FAM117B: variants seen among roughly 807,000 people sequenced by gnomAD.
FAM117B encodes the protein family with sequence similarity 117 member B.
Under a neutral mutation model 52.8 loss-of-function variants are expected in FAM117B, and 22 were observed. The ratio of observed to expected loss-of-function variants is 0.42; its 90% CI spans 0.30 to 0.59. The LOEUF is 0.59. Among genes scored for constraint, FAM117B ranks in the 20% least tolerant of loss-of-function variants. FAM117B has a pLI of 0.22. For missense variants in FAM117B, 678 were observed against 802.6 expected (o/e 0.84, Z 1.88); for synonymous variants, 309 against 324.1 (o/e 0.95, Z 0.50).
chr2:202,676,375 G>GTTTTTTTTTTTTTTTTTTTTT (rs71030983), intron 1 of FAM117B, among the ~76,000 whole-genome samples: 2 of 130,936 alleles, frequency 1.5e-5, no homozygotes, highest in Admixed American at 7.6e-5. Context: ...AATATTCCTT[G>GTTTTTTTTTTTTTTTTTTTTT]TTTTTTTTTT....
At chr2:202,661,109 CA>C (rs1351439359) in intron 1 of FAM117B, among the ~76,000 whole-genome samples, 2 of 152,218 alleles carry the variant, frequency 1.3e-5, no homozygotes, top group African/African-American at 2.4e-5. Context: ...GGGAAAAACT[CA>C]GTGAATCACT....
intron 1 of FAM117B, among the ~76,000 whole-genome samples, chr2:202,670,569 GC>G (rs1343461360): frequency 6.6e-6 from 1 of 151,784 alleles, no homozygotes; most frequent in Non-Finnish European, 1.5e-5. Context: ...ATAAGCCACC[GC>G]CCCCTGGCCA....
chr2:202,735,961 G>C (rs998037728), intron 4 of FAM117B, among the ~76,000 whole-genome samples: 1 of 152,088 alleles, frequency 6.6e-6, no homozygotes, highest in Non-Finnish European at 1.5e-5. Context: ...AAGTGTGTGG[G>C]TGTTTTGTGG....
intron 1 of FAM117B, among the ~76,000 whole-genome samples, chr2:202,636,421 G>C (rs1689687497): frequency 1.3e-5 from 2 of 152,174 alleles, no homozygotes. Context: ...GTGTATTTCT[G>C]ATTTTGTGTA....
chr2:202,670,297 T>G (rs1241482927), intron 1 of FAM117B, among the ~76,000 whole-genome samples: 1 of 146,766 alleles, frequency 6.8e-6, no homozygotes. Flanking sequence ...TCTTTTTTTT[T>G]TCTTTTTTTT....
chr2:202,751,577 G>C (rs944736857), intron 4 of FAM117B, among the ~76,000 whole-genome samples: 9 of 152,068 alleles, frequency 5.9e-5, no homozygotes, highest in Non-Finnish European at 8.8e-5. Flanking sequence ...AGACCAGCCA[G>C]GCCAACGTTG....
chr2:202,760,849 C>A (rs1450155755), intron 7 of FAM117B, among the ~76,000 whole-genome samples: 1 of 152,198 alleles, frequency 6.6e-6, no homozygotes, highest in East Asian at 1.9e-4. Flanking sequence ...TGGGCTCATT[C>A]TATTAGGTTA....
chr2:202,749,216 A>G (rs1691683413), intron 4 of FAM117B, among the ~76,000 whole-genome samples: 1 of 151,986 alleles, frequency 6.6e-6, no homozygotes, highest in Admixed American at 6.6e-5. Context: ...ATAGCTCCTC[A>G]CCCCAGGAAT....
Position 202,734,077 on chromosome 2 carries a change from G to A in FAM117B, c.960+7714G>A, listed in dbSNP as rs556269000. ...GCGGCTCCAGCCAGTCCCTCTGTTCGGGTTCCCTGACTTCCCACAGCAGAC... is the reference window on the plus strand; with the variant it reads ...GCGGCTCCAGCCAGTCCCTCTGTTCAGGTTCCCTGACTTCCCACAGCAGAC... On this transcript the variant is annotated intron_variant, in intron 4 of 7. Transcript: ENST00000392238. Among the ~76,000 whole-genome samples, 7 of 152,278 alleles carry A rather than the reference G, an allele frequency of 4.6e-5. No individual in the cohort carries two copies. The East Asian group carries it at 5.8e-4, about 13-fold the overall frequency.
chr2:202,701,633 A>G (rs1458067253), intron 2 of FAM117B, among the ~76,000 whole-genome samples: 1 of 152,214 alleles, frequency 6.6e-6, no homozygotes, highest in East Asian at 1.9e-4. Flanking sequence ...TCAAATATCA[A>G]CATTATCAGG....
intron 1 of FAM117B, among the ~76,000 whole-genome samples, chr2:202,637,572 A>T (rs1401640391): frequency 6.6e-6 from 1 of 152,144 alleles, no homozygotes; most frequent in East Asian, 1.9e-4. Flanking sequence ...GAGAATGCAG[A>T]ATGCTTTTCT....
At chr2:202,740,292 G>A (rs367592232) in intron 4 of FAM117B, among the ~76,000 whole-genome samples, 19 of 146,568 alleles carry the variant, frequency 1.3e-4, no homozygotes, top group South Asian at 6.6e-4. Flanking sequence ...CCTGTGAGTC[G>A]GAGGTTGCAG....
chr2:202,684,274 T>C (rs1265434690), intron 1 of FAM117B, among the ~76,000 whole-genome samples: 2 of 152,146 alleles, frequency 1.3e-5, no homozygotes. Context: ...TTTGATTTAG[T>C]AGTAAAAAAA....
chr2:202,656,125 A>G (rs184928178), intron 1 of FAM117B, among the ~76,000 whole-genome samples: 1 of 152,332 alleles, frequency 6.6e-6, no homozygotes, highest in East Asian at 1.9e-4. Flanking sequence ...TTGTTTGGTC[A>G]GAATGGCTAG....
chr2:202,747,167 A>G (rs550078694), intron 4 of FAM117B, among the ~76,000 whole-genome samples: 1 of 152,228 alleles, frequency 6.6e-6, no homozygotes, highest in African/African-American at 2.4e-5. Flanking sequence ...AACAGAATGT[A>G]GGACAAAAAC....
At chr2:202,715,464 C>T (rs1208963350) in intron 2 of FAM117B, among the ~76,000 whole-genome samples, 22 of 145,192 alleles carry the variant, frequency 1.5e-4, no homozygotes, top group Non-Finnish European at 3.1e-4. Context: ...CGGGCAGAGG[C>T]GCTCCTCACG....
intron 1 of FAM117B, among the ~76,000 whole-genome samples, chr2:202,683,217 A>G (rs1405387146): frequency 6.6e-6 from 1 of 152,150 alleles, no homozygotes; most frequent in Non-Finnish European, 1.5e-5. Flanking sequence ...AATCCCAGGT[A>G]CTCAGGAGGC....
chr2:202,676,265 C>A (rs995880730), intron 1 of FAM117B, among the ~76,000 whole-genome samples: 2 of 152,042 alleles, frequency 1.3e-5, no homozygotes, highest in Non-Finnish European at 2.9e-5. Flanking sequence ...ACTGCAGCCC[C>A]AGCTGATACC....
intron 2 of FAM117B, among the ~76,000 whole-genome samples, chr2:202,720,785 A>G (rs912634008): frequency 6.6e-6 from 1 of 152,196 alleles, no homozygotes; most frequent in African/African-American, 2.4e-5. Context: ...TCACTTTGGA[A>G]AGAAAATAAA....
Sources: gnomAD v4.1 joint callset for allele counts (sites outside exome capture counted in the v4.1 genomes callset) on GRCh38, gnomAD v4.1.1 for gene constraint, MANE v1.5 for transcripts, NCBI Gene and HGNC (gene_info 2026-07-23, HGNC 2026-07-21) for gene names.